The following CASS4 variants were observed in gnomAD, a reference collection of about 807,000 sequenced individuals.
CASS4 encodes Cas scaffold protein family member 4.
In CASS4, 22 loss-of-function variants were observed where a neutral mutation model predicts 54.2. The ratio of observed to expected loss-of-function variants is 0.41; its 90% CI spans 0.29 to 0.58. The LOEUF (loss-of-function observed/expected upper bound fraction) is 0.58. Among genes scored for constraint, CASS4 ranks in the 20% least tolerant of loss-of-function variants. The probability of loss-of-function intolerance (pLI) is 0.36; values close to 1 mark genes in which losing one functional copy is unlikely to be tolerated. For synonymous variants in CASS4, 409 were observed against 391.5 expected, an observed-to-expected ratio of 1.04 and a Z score of -0.53; for missense variants, 854 against 986.7, an observed-to-expected ratio of 0.87 and a Z score of 1.80.
At chr20:56,454,947 T>A (rs747432969) in intron 5 of CASS4, among the ~76,000 whole-genome samples, 5 of 152,182 alleles carry the variant, frequency 3.3e-5, no homozygotes, top group Non-Finnish European at 5.9e-5. Flanking sequence ...AGTGAAGCAT[T>A]AACCATTACT....
intron 2 of CASS4, among the ~76,000 whole-genome samples, chr20:56,444,846 C>T (rs61440974): frequency 0.05 from 7,570 of 152,270 alleles, 611 homozygotes; most frequent in African/African-American, 0.17. Context: ...CGCGGTGGCT[C>T]ACGCCTGTAA....
At position 56,452,012 on chromosome 20, in the gene CASS4, T is replaced by G; in HGVS notation, c.836T>G (p.Phe279Cys). 6.2e-7 allele frequency: 1 copy of G among 1,614,204 alleles called. No homozygotes were observed. The highest frequency in any genetic ancestry group is 8.5e-7 in the Non-Finnish European group (1 of 1,180,038). Residue 279 changes from phenylalanine to cysteine, a missense_variant, in exon 5 of 6, where the codon TTC becomes TGC. Phe to Cys is a radical substitution (Grantham distance 205, BLOSUM62 -2). Transcript: ENST00000679887. ...GCTCTCCCCAGTTCCAGCTCCACTT[T>G]CTACAATCCTCCAAGTGGCAGATCC... ...PHALPSSSSTFYNPPSGRSRS... is the reference protein window; with the variant it reads ...PHALPSSSSTCYNPPSGRSRS...
In CASS4 at chr20:56,420,462, C is replaced by G. The variant is rs1306721055; in HGVS notation, c.36+7968C>G. Among the ~76,000 whole-genome samples, 7 of 152,200 alleles carry G rather than the reference C, an allele frequency of 4.6e-5. No homozygotes were observed. The East Asian group carries it at 1.4e-3, about 29-fold the overall frequency. ...GGAGTGCAGTGGCGTTATCATAGTT[C>G]ACTACAACCTCAAACTCCTGGGCTC... On this transcript the variant is annotated intron_variant, in intron 1 of 5. Coordinates refer to ENST00000679887, the MANE Select transcript of CASS4 (RefSeq NM_020356.4).
intron 1 of CASS4, among the ~76,000 whole-genome samples, chr20:56,419,642 G>A (rs1210897173): frequency 3.3e-5 from 5 of 152,110 alleles, no homozygotes; most frequent in Non-Finnish European, 7.4e-5. Context: ...TGTTGCCCAG[G>A]CTGGTCTCGA....
At chr20:56,422,469 T>C (rs574993795) in intron 1 of CASS4, among the ~76,000 whole-genome samples, 2 of 152,350 alleles carry the variant, frequency 1.3e-5, no homozygotes, top group East Asian at 3.9e-4. Context: ...AAGTGCAGCT[T>C]AGCAAGGTTT....
At chr20:56,416,941 T>A (rs1312050717) in intron 1 of CASS4, among the ~76,000 whole-genome samples, 1 of 152,224 alleles carries the variant, frequency 6.6e-6, no homozygotes, top group Non-Finnish European at 1.5e-5. Flanking sequence ...TCAGCCTCAA[T>A]TAAAGAGCAA....
At chr20:56,444,698 C>G (rs1451415289) in intron 2 of CASS4, among the ~76,000 whole-genome samples, 1 of 152,234 alleles carries the variant, frequency 6.6e-6, no homozygotes, top group African/African-American at 2.4e-5. Flanking sequence ...GAGCCAACAT[C>G]ATTGAGCTCT....
rs1440643182 is a variant in CASS4 at position 56,420,601 on chromosome 20, C to T, written c.36+8107C>T. 6.1e-5 allele frequency among the ~76,000 whole-genome samples: 9 copies of T among 148,688 alleles called. No individual in the cohort carries two copies. In the Admixed American group the frequency reaches 6.1e-4, roughly 10 times the overall value. ...GAGATGAGGGGCTCTCCCTATATTG[C>T]CCAGGCTTGTCTCGAACTCCTGACC... On this transcript the variant is annotated intron_variant, in intron 1 of 5. Coordinates refer to ENST00000679887, the MANE Select transcript of CASS4 (RefSeq NM_020356.4).
chr20:56,420,236 C>T (rs138991387), intron 1 of CASS4, among the ~76,000 whole-genome samples: 11 of 152,282 alleles, frequency 7.2e-5, no homozygotes, highest in Non-Finnish European at 1.6e-4. Flanking sequence ...TTTGTTTGCT[C>T]TACATGTTCT....
chr20:56,420,706 G>A (rs1006869715), intron 1 of CASS4, among the ~76,000 whole-genome samples: 8 of 152,002 alleles, frequency 5.3e-5, no homozygotes, highest in African/African-American at 1.9e-4. Context: ...AGGTTCAAAA[G>A]TGAGAGTCTC....
chr20:56,451,798 C>A, intron 4 of CASS4, 21 bp from the exon 5 acceptor site: 1 of 1,583,000 alleles, frequency 6.3e-7, no homozygotes, highest in Non-Finnish European at 8.6e-7. Flanking sequence ...AACCCGGCAA[C>A]TATGTGTGGT....
At chr20:56,419,248 C>A (rs1242606298) in intron 1 of CASS4, among the ~76,000 whole-genome samples, 1 of 152,126 alleles carries the variant, frequency 6.6e-6, no homozygotes, top group Non-Finnish European at 1.5e-5. Context: ...AACACTCCAA[C>A]TTGAGTTGCA....
Position 56,448,072 on chromosome 20 carries a change from G to A in CASS4, c.561+2071G>A, listed in dbSNP as rs1053626479. On this transcript the variant is annotated intron_variant, in intron 3 of 5. Coordinates refer to ENST00000679887, the MANE Select transcript of CASS4 (RefSeq NM_020356.4). ...CAGGAGAGTGGCGTGAACCCGGGAG[G>A]CGGAGCTTGCAGTGAGCAGAGATCG... 2.0e-5 allele frequency among the ~76,000 whole-genome samples: 3 copies of A among 151,610 alleles called. No homozygotes were observed. In the East Asian group the frequency reaches 5.9e-4, roughly 30 times the overall value.
rs1979845844 is a variant in CASS4 at position 56,430,352 on chromosome 20, T to C, written c.37-6812T>C. ...CCCAGCTGTTGTATGAAGATGGGCA[T>C]TTGGGGGAAATGTCCTTTTTGGAAA... is the stretch of plus-strand genomic sequence containing the variant. On this transcript the variant is annotated intron_variant, in intron 1 of 5. Coordinates refer to ENST00000679887, the MANE Select transcript of CASS4 (RefSeq NM_020356.4). This position sits in a 1 kb window ranked among gnomAD's most constrained non-coding sequence, Gnocchi z 4.2. Among the ~76,000 whole-genome samples, 1 of 152,248 alleles carries C rather than the reference T, an allele frequency of 6.6e-6. No homozygotes were observed. The highest frequency in any genetic ancestry group is 2.1e-4 in the South Asian group (1 of 4,834).
intron 5 of CASS4, 66 bp downstream of exon 5, chr20:56,453,195 A>C (rs1981128755): frequency 1.7e-6 from 2 of 1,156,234 alleles, no homozygotes; most frequent in South Asian, 2.7e-5. Context: ...GTGGCTACTA[A>C]GATGCTGAGA....
intron 1 of CASS4, among the ~76,000 whole-genome samples, chr20:56,427,770 A>G (rs1979713879): frequency 6.6e-6 from 1 of 152,228 alleles, no homozygotes; most frequent in Non-Finnish European, 1.5e-5. Context: ...CTCTATAACT[A>G]ACTATCCTTT....
At chr20:56,443,219 C>T (rs1033892344) in intron 2 of CASS4, among the ~76,000 whole-genome samples, 1 of 151,430 alleles carries the variant, frequency 6.6e-6, no homozygotes, top group Non-Finnish European at 1.5e-5. Flanking sequence ...CGGTGGCTCA[C>T]GCCTGTAATC....
chr20:56,422,933 G>A (rs1009553692), intron 1 of CASS4, among the ~76,000 whole-genome samples: 3 of 152,108 alleles, frequency 2.0e-5, no homozygotes, highest in Non-Finnish European at 4.4e-5. Context: ...TGGATAAACC[G>A]GCCACAAAGG....
Position 56,459,521 on chromosome 20 carries a change from G to A in CASS4, c.*774G>A. The stretch of plus-strand genomic sequence containing the variant: ...TCATCTGAATCCACTGGGGAGTGGG[G>A]CGATTTTGTTTTAATTTCTCGGTCA... On this transcript the variant is annotated 3_prime_UTR_variant, in exon 6 of 6. Coordinates refer to ENST00000679887, the MANE Select transcript of CASS4 (RefSeq NM_020356.4). 4.1e-6 allele frequency: 1 copy of A among 246,630 alleles called. No homozygotes were observed. The highest frequency in any genetic ancestry group is 8.9e-6 in the Non-Finnish European group (1 of 112,502). 15.3% of individuals were successfully genotyped at this position (246,630 alleles called of 1,614,324 possible).
Sources: allele counts gnomAD v4.1 joint callset (sites outside exome capture counted in the v4.1 genomes callset), GRCh38; gene constraint gnomAD v4.1.1; non-coding constraint Gnocchi (gnomAD v3.1); transcripts MANE v1.5; gene names NCBI Gene and HGNC (gene_info 2026-07-23, HGNC 2026-07-21).